Variants in VPS13D observed in about 807,000 individuals in gnomAD.
The protein encoded by VPS13D is intermembrane lipid transfer protein VPS13D.
A neutral mutation model predicts 461.9 loss-of-function variants in VPS13D; 187 were observed. The observed-to-expected ratio is 0.40, with a 90% confidence interval of 0.36 to 0.46. The LOEUF is 0.46. Ranked by LOEUF, VPS13D falls within the 20% of genes least tolerant of loss-of-function variation. The pLI, the probability that VPS13D is intolerant of heterozygous loss-of-function variation, is 0.60. For synonymous variants in VPS13D, 1,951 were observed against 1,986.3 expected (o/e 0.98, Z 0.47); for missense variants, 4,711 against 5,364.9 (o/e 0.88, Z 3.81).
At chr1:12,284,881 G>A (rs1641915265) in intron 21 of VPS13D, among the ~76,000 whole-genome samples, 1 of 152,210 alleles carries the variant, frequency 6.6e-6, no homozygotes, top group East Asian at 1.9e-4. Context: ...AGTACTCCGA[G>A]GCCTCTGGTA....
At chr1:12,491,936 A>G (rs1034124736) in intron 67 of VPS13D, among the ~76,000 whole-genome samples, 4 of 152,242 alleles carry the variant, frequency 2.6e-5, no homozygotes, top group Non-Finnish European at 5.9e-5. Flanking sequence ...CCTTTGGCCA[A>G]ACAAAGGTTT....
In VPS13D at chr1:12,276,224, T is replaced by TA; in HGVS notation, c.2637dup (p.Pro880ThrfsTer8). 1 of 1,614,028 alleles carries TA rather than the reference T, an allele frequency of 6.2e-7. No individual in the cohort carries two copies. The highest frequency in any genetic ancestry group is 8.5e-7 in the Non-Finnish European group (1 of 1,180,014). ...CCAGGAGCCGTGCTCTCAGGCAACT[T>TA]ACCAGACTTAAAAATCCACATTAAT... On this transcript the variant is annotated frameshift_variant, in exon 19 of 70. Coordinates refer to ENST00000620676, the MANE Select transcript of VPS13D (RefSeq NM_015378.4). LOFTEE classifies it high-confidence loss of function. The surrounding 1 kb of genome is among the most constrained non-coding windows in gnomAD (Gnocchi z 4.5).
chr1:12,259,842 A>T (rs1641048572), intron 10 of VPS13D, among the ~76,000 whole-genome samples: 1 of 152,110 alleles, frequency 6.6e-6, no homozygotes, highest in Non-Finnish European at 1.5e-5. Flanking sequence ...TACATGAAGT[A>T]TAAAAGAGCT....
chr1:12,403,889 A>G lies in VPS13D; in HGVS notation c.11946A>G (p.Arg3982=). The change falls in exon 63 of 70, where the codon CGA becomes CGG. Residue 3982 remains arginine (R), a synonymous_variant. Coordinates refer to ENST00000620676, the MANE Select transcript of VPS13D (RefSeq NM_015378.4). ...CTGAGCAAGGTGGAACACCAATTCG[A>G]TACTACTTTGAAAATCTCAAAATCA... The part of the protein sequence containing the change: ...KTAEQGGTPI[R]YYFENLKISI... 6.2e-7 allele frequency: 1 copy of G among 1,613,510 alleles called. No homozygotes were observed. The highest frequency in any genetic ancestry group is 8.5e-7 in the Non-Finnish European group (1 of 1,179,866).
At chr1:12,329,663 A>G (rs1222326187) in intron 36 of VPS13D, among the ~76,000 whole-genome samples, 166 bp from the exon 37 acceptor site, 1 of 152,264 alleles carries the variant, frequency 6.6e-6, no homozygotes, top group Admixed American at 6.5e-5. Flanking sequence ...TCTCAGTGCC[A>G]TATTTTTAAA....
intron 60 of VPS13D, among the ~76,000 whole-genome samples, chr1:12,396,505 G>A (rs1490454500): frequency 6.6e-6 from 1 of 152,016 alleles, no homozygotes; most frequent in Non-Finnish European, 1.5e-5. Context: ...TCCTTTATAA[G>A]CTTCATCAAA....
Position 12,506,899 on chromosome 1 carries a change from T to G in VPS13D, c.12841T>G (p.Ser4281Ala). Residue 4281 changes from serine to alanine, a missense_variant, in exon 69 of 70, where the codon TCC becomes GCC. This residue lies in a region of VPS13D where 194 missense variants were observed against 220.9 expected (regional missense o/e 0.88). Coordinates refer to ENST00000620676, the MANE Select transcript of VPS13D (RefSeq NM_015378.4). ...TGACAGCTACTGCGTGCTCATCTCCTCCAAAGCTGTTTACTTCCTGAAAAG... is the reference window on the plus strand; with the variant it reads ...TGACAGCTACTGCGTGCTCATCTCCGCCAAAGCTGTTTACTTCCTGAAAAG... ...NIDSYCVLIS[S>A]KAVYFLKSGD... The G allele has an allele frequency of 6.2e-7, 1 of 1,614,252 alleles. No individual in the cohort carries two copies. The highest frequency in any genetic ancestry group is 8.5e-7 in the Non-Finnish European group (1 of 1,180,054).
intron 64 of VPS13D, 89 bp downstream of exon 64, chr1:12,415,310 A>G: frequency 6.5e-7 from 1 of 1,535,640 alleles, no homozygotes; most frequent in Non-Finnish European, 9.0e-7. Context: ...AGGCATTACT[A>G]TTGAGAACCC....
chr1:12,261,265 C>A, intron 12 of VPS13D, 116 bp downstream of exon 12: 2 of 1,228,862 alleles, frequency 1.6e-6, no homozygotes, highest in Non-Finnish European at 2.3e-6. Context: ...AGTTTATGTT[C>A]ATAGAGGCTG....
intron 67 of VPS13D, among the ~76,000 whole-genome samples, chr1:12,460,710 G>A (rs1645400787): frequency 6.6e-6 from 1 of 151,778 alleles, no homozygotes; most frequent in South Asian, 2.1e-4. Flanking sequence ...CCATTAGAGA[G>A]GTCAGAATTA....
intron 65 of VPS13D, among the ~76,000 whole-genome samples, chr1:12,444,657 C>T (rs1366824232): frequency 6.6e-6 from 1 of 152,144 alleles, no homozygotes; most frequent in Non-Finnish European, 1.5e-5. Flanking sequence ...TGCTGTTTCA[C>T]CATTTACTAA....
At position 12,314,334 on chromosome 1, in the gene VPS13D, G is replaced by T; in HGVS notation, c.7148+7G>T. 6.2e-7 allele frequency: 1 copy of T among 1,604,758 alleles called. No individual in the cohort carries two copies. The highest frequency in any genetic ancestry group is 8.5e-7 in the Non-Finnish European group (1 of 1,172,394). On this transcript the variant is annotated splice_region_variant and intron_variant, in intron 30 of 69. Coordinates refer to ENST00000620676, the MANE Select transcript of VPS13D (RefSeq NM_015378.4). ...AGATTGAACTACATTTCAGGTAGCAGGTCCAGACCCTTCTCTGCCTTTCTT... is the reference window on the plus strand; with the variant it reads ...AGATTGAACTACATTTCAGGTAGCATGTCCAGACCCTTCTCTGCCTTTCTT...
intron 37 of VPS13D, among the ~76,000 whole-genome samples, chr1:12,332,065 A>T: frequency 6.6e-6 from 1 of 152,252 alleles, no homozygotes; most frequent in East Asian, 1.9e-4. Context: ...GGACACTACT[A>T]ATTATTGGAA....
chr1:12,358,332 G>A lies in VPS13D; in HGVS notation c.9999-127G>A, dbSNP rs533193407. The stretch of plus-strand genomic sequence containing the variant: ...CACTGTGCTAGGGAATCACATGAGA[G>A]TGAGGAAGAGAGTCAGTGGTAGAGA... On this transcript the variant is annotated intron_variant, in intron 49 of 69. Coordinates refer to ENST00000620676, the MANE Select transcript of VPS13D (RefSeq NM_015378.4). 5.7e-5 allele frequency: 73 copies of A among 1,273,914 alleles called. No individual in the cohort carries two copies. The African/African-American group carries it at 1.1e-3, about 18-fold the overall frequency. 78.9% of individuals were successfully genotyped at this position (1,273,914 alleles called of 1,614,324 possible). A position where few individuals can be genotyped will look rare whatever the true frequency, so the allele number is the denominator to read the frequency against.
In VPS13D at chr1:12,363,261, T is replaced by G. The variant is rs762822497; in HGVS notation, c.10448+14T>G. 6.2e-7 allele frequency: 1 copy of G among 1,612,714 alleles called. No homozygotes were observed. The highest frequency in any genetic ancestry group is 8.5e-7 in the Non-Finnish European group (1 of 1,179,144). On this transcript the variant is annotated intron_variant, in intron 52 of 69. Coordinates refer to ENST00000620676, the MANE Select transcript of VPS13D (RefSeq NM_015378.4). ...TATCAACATGAGGTAAGTTTGAGAC[T>G]CTAAATATAGACAAAAAGGTAGCCC...
rs1334711926 is a variant in VPS13D at position 12,353,856 on chromosome 1, G to A, written c.9432-118G>A. 3.8e-6 allele frequency: 4 copies of A among 1,055,498 alleles called. No individual in the cohort carries two copies. In the Admixed American group the frequency reaches 8.6e-5, roughly 23 times the overall value. The allele number at this position is 1,055,498 out of a possible 1,614,324, so 65.4% of individuals were successfully genotyped here. ...AATAAATGTATTTGGATTGAAAACT[G>A]CAAATAATTTTACTCATTGAACCAT... On this transcript the variant is annotated intron_variant, in intron 46 of 69. Coordinates refer to ENST00000620676, the MANE Select transcript of VPS13D (RefSeq NM_015378.4).
chr1:12,367,397 G>C (rs963093365), intron 52 of VPS13D, among the ~76,000 whole-genome samples: 5 of 152,118 alleles, frequency 3.3e-5, no homozygotes, highest in Non-Finnish European at 5.9e-5. Flanking sequence ...TATCCAGCAG[G>C]CCTCTTTTTT....
rs1317743121 is a variant in VPS13D at position 12,230,297 on chromosome 1, G to A, written c.-77+177G>A. Reference sequence around the variant, plus strand: ...GTCCGGCCTCGGTCTGAGCCCCTCGGGGTAACCCTGGGCGTCTGCTCCCCC... The same window carrying A: ...GTCCGGCCTCGGTCTGAGCCCCTCGAGGTAACCCTGGGCGTCTGCTCCCCC... On this transcript the variant is annotated intron_variant, in intron 1 of 69. Coordinates refer to ENST00000620676, the MANE Select transcript of VPS13D (RefSeq NM_015378.4). 2.0e-5 allele frequency among the ~76,000 whole-genome samples: 3 copies of A among 152,214 alleles called. No homozygotes were observed. The East Asian group carries it at 5.8e-4, about 29-fold the overall frequency.
intron 65 of VPS13D, among the ~76,000 whole-genome samples, chr1:12,446,287 C>T (rs562630065): frequency 6.6e-5 from 10 of 152,100 alleles, no homozygotes; most frequent in South Asian, 2.1e-4. Flanking sequence ...CATGGTGTCG[C>T]GTGCCTGTAA....
Sources: gnomAD v4.1 joint callset for allele counts (sites outside exome capture counted in the v4.1 genomes callset) on GRCh38, gnomAD v4.1.1 for gene constraint, gnomAD v4.1.1 regional missense constraint, Gnocchi (gnomAD v3.1) non-coding constraint, MANE v1.5 for transcripts, NCBI Gene and HGNC (gene_info 2026-07-23, HGNC 2026-07-21) for gene names.